The following LHX8 variants were observed in gnomAD, a reference collection of about 807,000 sequenced individuals.
The protein encoded by LHX8 is LIM homeobox 8.
In LHX8, 12 loss-of-function variants were observed where a neutral mutation model predicts 40.3. The observed-to-expected ratio is 0.30, with a 90% CI of 0.19 to 0.48. The LOEUF is 0.48. Ranked by LOEUF, LHX8 falls within the 20% of genes least tolerant of loss-of-function variation. LHX8 has a pLI of 0.99. For synonymous variants in LHX8, 179 were observed against 162.0 expected, an observed-to-expected ratio of 1.10 and a Z score of -0.80; for missense variants, 344 against 433.7, an observed-to-expected ratio of 0.79 and a Z score of 1.84.
chr1:75,175,887 G>T, the LHX8 span, among the ~76,000 whole-genome samples: 1 of 152,118 alleles, frequency 6.6e-6, no homozygotes, highest in Non-Finnish European at 1.5e-5. Flanking sequence ...TGTTCTCATT[G>T]TCTAGTTACC....
At chr1:75,169,562 A>T in the LHX8 span, among the ~76,000 whole-genome samples, 2 of 151,884 alleles carry the variant, frequency 1.3e-5, no homozygotes, top group Non-Finnish European at 2.9e-5. Context: ...GAACAGGATA[A>T]CCCTTTCCCT....
chr1:75,130,325 T>C (rs747674161), upstream of LHX8: 6 of 312,656 alleles, frequency 1.9e-5, no homozygotes, highest in Non-Finnish European at 3.7e-5. Flanking sequence ...TCGTACAGAC[T>C]CTTGGTCGCA....
chr1:75,188,621 T>A, the LHX8 span, among the ~76,000 whole-genome samples: 1 of 152,336 alleles, frequency 6.6e-6, no homozygotes, highest in Non-Finnish European at 1.5e-5. Flanking sequence ...CTGGGCCCAG[T>A]GCTCCCTAGG....
At position 75,137,121 on chromosome 1, in the gene LHX8, G is replaced by T; in HGVS notation, c.97G>T (p.Asp33Tyr). Residue 33 changes from aspartate to tyrosine, a missense_variant, in exon 3 of 9, where the codon GAC becomes TAC. By Grantham distance (160) the Asp-to-Tyr change is radical (BLOSUM62 -3). Around this residue, in one of 3 missense-constraint regions of LHX8, gnomAD observed 108 missense variants for 90.1 expected, o/e 1.20. Coordinates refer to ENST00000356261, the MANE Select transcript of LHX8 (RefSeq NM_001256114.2). The part of the protein sequence containing the change: ...EGLVSPEGAG[D>Y]EDSCSSSAPL... ...GCAGGTGAGCCCCGAGGGAGCGGGG[G>T]ACGAGGACTCGTGCTCCTCCTCGGC... The T allele has an allele frequency of 6.2e-7, 1 of 1,607,982 alleles. No homozygotes were observed. Among genetic ancestry groups the T allele is most frequent in the Non-Finnish European group, 8.5e-7 (1 of 1,176,448 alleles).
the LHX8 span, among the ~76,000 whole-genome samples, chr1:75,174,286 C>A: frequency 5.9e-5 from 9 of 152,136 alleles, no homozygotes; most frequent in African/African-American, 2.2e-4. Flanking sequence ...TCTGGTACAA[C>A]CCCTGTCTGC....
chr1:75,178,773 A>C, the LHX8 span, among the ~76,000 whole-genome samples: 6 of 152,026 alleles, frequency 3.9e-5, no homozygotes, highest in Non-Finnish European at 1.5e-5. Flanking sequence ...TTAGGGTGTC[A>C]ATTTTAGATC....
chr1:75,135,466 T>C (rs187312525), intron 1 of LHX8, among the ~76,000 whole-genome samples: 5 of 152,170 alleles, frequency 3.3e-5, no homozygotes, highest in African/African-American at 9.6e-5. Context: ...GGGTCCCGCG[T>C]AGGGAGCGCA....
chr1:75,133,047 C>T (rs1034379991), upstream of LHX8: 4 of 152,208 alleles, frequency 2.6e-5, no homozygotes, highest in Admixed American at 1.3e-4. Flanking sequence ...AAAAGTCAGT[C>T]CACCCCAATC....
chr1:75,170,456 G>A, the LHX8 span, among the ~76,000 whole-genome samples: 10 of 152,256 alleles, frequency 6.6e-5, no homozygotes, highest in East Asian at 1.5e-3. Flanking sequence ...AGCTTTTTAA[G>A]CTTTCCCAAA....
intron 3 of LHX8, 124 bp downstream of exon 3, chr1:75,137,385 T>C (rs2100332412): frequency 2.0e-6 from 2 of 988,732 alleles, no homozygotes; most frequent in Non-Finnish European, 3.1e-6. Context: ...TGTAGGCTTT[T>C]GCAGAAAATC....
downstream of LHX8, among the ~76,000 whole-genome samples, chr1:75,164,523 G>A (rs1042790476): frequency 3.3e-5 from 5 of 152,062 alleles, no homozygotes; most frequent in Non-Finnish European, 7.4e-5. Context: ...AAAGGCTCTT[G>A]AAATGCATTG....
chr1:75,150,882 G>T (rs1648589505), intron 7 of LHX8, among the ~76,000 whole-genome samples: 1 of 151,832 alleles, frequency 6.6e-6, no homozygotes, highest in African/African-American at 2.4e-5. Flanking sequence ...TCACCATGTT[G>T]GTCAGGCTGT....
chr1:75,186,675 G>A, the LHX8 span, among the ~76,000 whole-genome samples: 2 of 152,096 alleles, frequency 1.3e-5, no homozygotes, highest in East Asian at 3.8e-4. Context: ...GGAGAGGATG[G>A]TTTCTGAGAA....
the LHX8 span, among the ~76,000 whole-genome samples, chr1:75,190,416 T>A: frequency 6.6e-6 from 1 of 152,166 alleles, no homozygotes; most frequent in Non-Finnish European, 1.5e-5. Context: ...TACATGTTCA[T>A]ACGTTGATTA....
the LHX8 span, among the ~76,000 whole-genome samples, chr1:75,182,380 T>C: frequency 6.7e-6 from 1 of 148,522 alleles, no homozygotes; most frequent in Non-Finnish European, 1.5e-5. Flanking sequence ...TTTTTTTTTT[T>C]TTTTTTTTTT....
chr1:75,142,946 T>C (rs1648357152), intron 4 of LHX8, among the ~76,000 whole-genome samples, 172 bp from the exon 5 acceptor site: 1 of 152,176 alleles, frequency 6.6e-6, no homozygotes, highest in African/African-American at 2.4e-5. Context: ...CTCATCTTGA[T>C]TTCTTATTAT....
chr1:75,198,267 A>G, the LHX8 span, among the ~76,000 whole-genome samples: 1 of 152,182 alleles, frequency 6.6e-6, no homozygotes, highest in Non-Finnish European at 1.5e-5. Context: ...TAGTGGGAAG[A>G]GTCTTCCAGT....
the LHX8 span, among the ~76,000 whole-genome samples, chr1:75,168,268 G>A: frequency 2.6e-5 from 4 of 152,134 alleles, no homozygotes; most frequent in African/African-American, 9.7e-5. Flanking sequence ...TGTTGCCCAG[G>A]CTGGAGTGCA....
chr1:75,148,641 A>G lies in LHX8; in HGVS notation c.739A>G (p.Lys247Glu). Residue 247 changes from lysine (K) to glutamate (E), a missense_variant, in exon 7 of 9, where the codon AAA becomes GAA. Physicochemically the swap from Lys to Glu is moderately conservative, Grantham distance 56. Transcript: ENST00000356261. ...CAACCCAGATGCACAGACACTCCAG[A>G]AATTGGCAGAAAGGACAGGCTTGAG... is the stretch of plus-strand genomic sequence containing the variant. Reference protein sequence around the residue: ...DNNPDAQTLQKLAERTGLSRR... With the variant: ...DNNPDAQTLQELAERTGLSRR... The G allele has an allele frequency of 6.2e-7, 1 of 1,613,982 alleles. No homozygotes were observed. The highest frequency in any genetic ancestry group is 8.5e-7 in the Non-Finnish European group (1 of 1,179,938).
Sources: gnomAD v4.1 joint callset for allele counts (sites outside exome capture counted in the v4.1 genomes callset) on GRCh38, gnomAD v4.1.1 for gene constraint, gnomAD v4.1.1 regional missense constraint, MANE v1.5 for transcripts, NCBI Gene and HGNC (gene_info 2026-07-23, HGNC 2026-07-21) for gene names.